Variants in SCFD2 observed in about 807,000 individuals in gnomAD.
SCFD2 encodes sec1 family domain containing 2, also known as sec1 family domain-containing protein 2.
SCFD2 carries 54 observed loss-of-function variants against 58.9 expected under a neutral mutation model. The ratio of observed to expected loss-of-function variants is 0.92; its 90% CI spans 0.74 to 1.15. SCFD2 has a LOEUF of 1.15. Ranked by LOEUF, SCFD2 falls within the 50% of genes most tolerant of loss-of-function variation. The probability of loss-of-function intolerance (pLI) is 0.00; values close to 1 mark genes in which losing one functional copy is unlikely to be tolerated. For synonymous variants in SCFD2, 321 were observed against 335.9 expected (o/e 0.96, Z 0.49); for missense variants, 805 against 836.6 (o/e 0.96, Z 0.47).
At chr4:52,885,070 C>T (rs940214829) in intron 8 of SCFD2, among the ~76,000 whole-genome samples, 3 of 152,158 alleles carry the variant, frequency 2.0e-5, no homozygotes, top group African/African-American at 7.2e-5. Context: ...ATGTTCTTCA[C>T]CACTGGGCCA....
chr4:53,043,350 T>TCAGC (rs1722945819), intron 5 of SCFD2, among the ~76,000 whole-genome samples: 1 of 151,456 alleles, frequency 6.6e-6, no homozygotes, highest in Non-Finnish European at 1.5e-5. Flanking sequence ...GCTGGAGATC[T>TCAGC]TAGCTGTCAA....
intron 5 of SCFD2, among the ~76,000 whole-genome samples, chr4:52,994,990 A>C (rs1721709888): frequency 6.6e-6 from 1 of 152,214 alleles, no homozygotes; most frequent in African/African-American, 2.4e-5. Context: ...ACAGAGCAGC[A>C]GGGATCAGTT....
intron 4 of SCFD2, among the ~76,000 whole-genome samples, chr4:53,239,820 T>C (rs956278728): frequency 3.9e-5 from 6 of 152,168 alleles, no homozygotes; most frequent in Non-Finnish European, 7.3e-5. Context: ...TTTCACTGTA[T>C]AGACCCAAGC....
intron 5 of SCFD2, among the ~76,000 whole-genome samples, chr4:53,091,305 C>T (rs1471043391): frequency 4.0e-5 from 6 of 151,494 alleles, no homozygotes; most frequent in Non-Finnish European, 7.4e-5. Context: ...TGGAAGAGAG[C>T]TGTCTCCCAC....
intron 5 of SCFD2, among the ~76,000 whole-genome samples, chr4:53,101,456 A>T (rs886560002): frequency 5.9e-5 from 9 of 152,214 alleles, no homozygotes; most frequent in African/African-American, 2.2e-4. Context: ...TTTAAAATGT[A>T]TCTGCTGATA....
intron 5 of SCFD2, among the ~76,000 whole-genome samples, chr4:52,943,923 T>C (rs796855733): frequency 1.2e-4 from 18 of 152,282 alleles, no homozygotes; most frequent in African/African-American, 3.6e-4. Context: ...TTTTAGCCCA[T>C]TGAAAACATT....
intron 5 of SCFD2, chr4:52,956,353 C>T (rs1720712354): frequency 7.7e-6 from 3 of 387,674 alleles, no homozygotes; most frequent in South Asian, 1.9e-5. Flanking sequence ...TTAGATAGGG[C>T]TTTTTATGGC....
intron 5 of SCFD2, among the ~76,000 whole-genome samples, chr4:53,017,484 T>G (rs377445582): frequency 6.6e-6 from 1 of 152,224 alleles, no homozygotes; most frequent in Non-Finnish European, 1.5e-5. Context: ...TTTATAAACC[T>G]AAGGAAAACA....
rs2412399 is a variant in SCFD2, at chr4:53,211,257, T to A, written c.1311+62569A>T. ...ACTCCATGTGAAAAAAAAAAAAAAA[T>A]CCAAGAGAACTGTGTTCAGAGAGGT... On this transcript the variant is annotated intron_variant, in intron 4 of 8. Transcript: ENST00000401642. Among the ~76,000 whole-genome samples, 1,128 of 149,974 alleles carry A rather than the reference T, an allele frequency of 7.5e-3. 24 individuals carry two copies. The highest frequency in any genetic ancestry group is 0.026 in the African/African-American group (1,061 of 40,656).
chr4:53,183,970 A>T (rs1254900193), intron 4 of SCFD2, among the ~76,000 whole-genome samples: 2 of 152,156 alleles, frequency 1.3e-5, no homozygotes, highest in Admixed American at 6.6e-5. Context: ...AAGGATGATG[A>T]TGTAGCCAGT....
intron 5 of SCFD2, among the ~76,000 whole-genome samples, chr4:52,936,589 A>G (rs528486474): frequency 5.3e-5 from 8 of 152,126 alleles, no homozygotes; most frequent in Admixed American, 1.3e-4. Context: ...CTGCCAACTC[A>G]GTTTTCAGTT....
intron 4 of SCFD2, among the ~76,000 whole-genome samples, chr4:53,185,701 G>C (rs1481233206): frequency 1.3e-5 from 2 of 152,068 alleles, no homozygotes; most frequent in African/African-American, 4.8e-5. Context: ...ACTGTTTGAA[G>C]ATATTTAAAT....
intron 2 of SCFD2, among the ~76,000 whole-genome samples, chr4:53,330,926 A>G (rs1416408762): frequency 1.3e-5 from 2 of 151,826 alleles, no homozygotes; most frequent in African/African-American, 2.4e-5. Flanking sequence ...GGAAAACAAA[A>G]AAAGGCAGGG....
chr4:53,196,093 A>T (rs1444892217), intron 4 of SCFD2, among the ~76,000 whole-genome samples: 1 of 152,158 alleles, frequency 6.6e-6, no homozygotes, highest in African/African-American at 2.4e-5. Flanking sequence ...TGATGTCCAG[A>T]TTCCATTACC....
chr4:53,290,843 T>A (rs969735491), intron 3 of SCFD2, among the ~76,000 whole-genome samples: 2 of 152,088 alleles, frequency 1.3e-5, no homozygotes, highest in African/African-American at 4.8e-5. Flanking sequence ...ACAAGTTGGA[T>A]AACCTAGAGA....
chr4:53,109,483 C>A (rs1024469803), intron 5 of SCFD2, among the ~76,000 whole-genome samples: 4 of 152,016 alleles, frequency 2.6e-5, no homozygotes, highest in Non-Finnish European at 5.9e-5. Flanking sequence ...GTCTCTCAGC[C>A]CAAAATCTCC....
At chr4:53,190,228 T>TA (rs1247613041) in intron 4 of SCFD2, among the ~76,000 whole-genome samples, 1 of 6,500 alleles carries the variant, frequency 1.5e-4, no homozygotes, top group South Asian at 0.083. Context: ...TCTACTTGAC[T>TA]ACTGAGAAAC....
intron 5 of SCFD2, among the ~76,000 whole-genome samples, chr4:53,037,006 G>T (rs115871040): frequency 0.015 from 2,242 of 152,228 alleles, 56 homozygotes; most frequent in African/African-American, 0.051. Context: ...GTGATGGGCA[G>T]TTCTGTATCC....
In SCFD2 at chr4:53,132,989, G is replaced by A. The variant is rs147703542; in HGVS notation, c.1561+12344C>T. 9.5e-4 allele frequency among the ~76,000 whole-genome samples: 144 copies of A among 152,250 alleles called. 1 individual carries two copies. In the East Asian group the frequency reaches 0.025, roughly 27 times the overall value. Reference sequence around the variant, plus strand: ...AGAAGAATGCAGAGGTGATAATAAGGGAAGCATAAGAGGAAAAATTCTTAT... The same window carrying A: ...AGAAGAATGCAGAGGTGATAATAAGAGAAGCATAAGAGGAAAAATTCTTAT... On this transcript the variant is annotated intron_variant, in intron 5 of 8. Coordinates refer to ENST00000401642, the MANE Select transcript of SCFD2 (RefSeq NM_152540.4).
Sources: gnomAD v4.1 joint callset for allele counts (sites outside exome capture counted in the v4.1 genomes callset) on GRCh38, gnomAD v4.1.1 for gene constraint, MANE v1.5 for transcripts, NCBI Gene and HGNC (gene_info 2026-07-23, HGNC 2026-07-21) for gene names.